The following GCNT1 variants were observed in gnomAD, a reference collection of about 807,000 sequenced individuals.
The protein encoded by GCNT1 is glucosaminyl (N-acetyl) transferase 1.
GCNT1 carries 16 observed loss-of-function variants against 26.2 expected under a neutral mutation model. That is an observed-to-expected ratio of 0.61 (90% CI 0.41 to 0.93). The LOEUF is 0.93. GCNT1 is among the 40% of genes least tolerant of loss of function. The probability of loss-of-function intolerance (pLI) is 0.00; values close to 1 mark genes in which losing one functional copy is unlikely to be tolerated. For missense variants in GCNT1, 477 were observed against 526.7 expected (o/e 0.91, Z 0.92); for synonymous variants, 183 against 190.8 (o/e 0.96, Z 0.34).
rs1479298964 is a variant in GCNT1, at chr9:76,506,987, TCAC to T, written c.*3320_*3322del. The T allele has an allele frequency of 6.0e-6, 1 of 167,026 alleles. No individual in the cohort carries two copies. Among genetic ancestry groups the T allele is most frequent in the Non-Finnish European group, 1.5e-5 (1 of 68,086 alleles). 10.3% of individuals were successfully genotyped at this position (167,026 alleles called of 1,614,324 possible). Reference sequence around the variant, plus strand: ...GTAAACCCATTATAATTTGAAAATATCACATTGAAAATGCATTTAATATCTCTT... The same window carrying T: ...GTAAACCCATTATAATTTGAAAATATATTGAAAATGCATTTAATATCTCTT... On this transcript the variant is annotated 3_prime_UTR_variant, in exon 4 of 4. Transcript: ENST00000376730.
At chr9:76,444,308 T>C (rs1394843718) in intron 1 of GCNT1, among the ~76,000 whole-genome samples, 1 of 152,092 alleles carries the variant, frequency 6.6e-6, no homozygotes, top group South Asian at 2.1e-4. Context: ...TAAATCTAGA[T>C]GTACTTAACA....
chr9:76,433,618 C>A (rs936338614), intron 1 of GCNT1, among the ~76,000 whole-genome samples: 3 of 152,172 alleles, frequency 2.0e-5, no homozygotes, highest in African/African-American at 7.2e-5. Context: ...GCTGCAGTCG[C>A]GGTGGCCACA....
chr9:76,424,531 G>A (rs940160066), intron 1 of GCNT1, among the ~76,000 whole-genome samples: 2 of 152,164 alleles, frequency 1.3e-5, no homozygotes, highest in African/African-American at 2.4e-5. Flanking sequence ...AGGTAAGGCT[G>A]GATCTTGGAG....
chr9:76,402,106 G>T, the GCNT1 span, among the ~76,000 whole-genome samples: 77 of 152,234 alleles, frequency 5.1e-4, no homozygotes, highest in Middle Eastern at 3.4e-3. Context: ...TTGTCCTTCC[G>T]GGTACAGAGG....
chr9:76,412,685 C>T, the GCNT1 span, among the ~76,000 whole-genome samples: 2 of 152,198 alleles, frequency 1.3e-5, no homozygotes, highest in Non-Finnish European at 2.9e-5. Flanking sequence ...CTTAGTCACC[C>T]TTGACACAGC....
chr9:76,483,403 GT>G (rs34884191), intron 2 of GCNT1, among the ~76,000 whole-genome samples: 38,824 of 148,688 alleles, frequency 0.26, 5,203 homozygotes, highest in East Asian at 0.32. Flanking sequence ...TTAAGGAGGG[GT>G]TTTTTTTTTA....
intron 2 of GCNT1, among the ~76,000 whole-genome samples, chr9:76,499,553 C>T (rs1439888399): frequency 3.9e-5 from 6 of 152,140 alleles, no homozygotes; most frequent in Non-Finnish European, 8.8e-5. Context: ...TTTCAAAATC[C>T]TTTGTCCTTG....
intron 2 of GCNT1, among the ~76,000 whole-genome samples, chr9:76,465,653 C>T (rs1823977914): frequency 6.6e-6 from 1 of 152,218 alleles, no homozygotes; most frequent in Admixed American, 6.5e-5. Flanking sequence ...TGTGGCCACC[C>T]TGGGGAGGAG....
chr9:76,488,936 C>T (rs1415341413), intron 2 of GCNT1, among the ~76,000 whole-genome samples: 1 of 152,214 alleles, frequency 6.6e-6, no homozygotes, highest in Non-Finnish European at 1.5e-5. Flanking sequence ...TAGTAGGATA[C>T]AACAATATCA....
intron 2 of GCNT1, among the ~76,000 whole-genome samples, chr9:76,499,180 T>G (rs1195867635): frequency 6.6e-6 from 1 of 152,140 alleles, no homozygotes; most frequent in African/African-American, 2.4e-5. Flanking sequence ...CAGGCTGAAG[T>G]GCAGTGGCAT....
chr9:76,503,581 T>G lies in GCNT1; in HGVS notation c.1200T>G (p.Asn400Lys). The change falls in exon 4 of 4, where the codon AAT becomes AAG. Residue 400 changes from asparagine (N) to lysine (K), a missense_variant. Asn to Lys is a moderately conservative substitution (Grantham distance 94, BLOSUM62 0). Transcript: ENST00000376730. The part of the protein sequence containing the change: ...WMLRKHHLFA[N>K]KFDVDVDLFA... Reference sequence around the variant, plus strand: ...TGCGCAAACACCACTTGTTTGCCAATAAGTTTGACGTGGATGTTGACCTCT... The same window carrying G: ...TGCGCAAACACCACTTGTTTGCCAAGAAGTTTGACGTGGATGTTGACCTCT... 6.2e-7 allele frequency: 1 copy of G among 1,614,188 alleles called. No individual in the cohort carries two copies. The highest frequency in any genetic ancestry group is 8.5e-7 in the Non-Finnish European group (1 of 1,180,000).
chr9:76,423,627 A>G (rs2131572393), intron 1 of GCNT1, among the ~76,000 whole-genome samples: 1 of 152,376 alleles, frequency 6.6e-6, no homozygotes. Flanking sequence ...CTTAATTTGT[A>G]CTGCAAAATG....
chr9:76,410,630 AAC>A, the GCNT1 span, among the ~76,000 whole-genome samples: 1 of 152,162 alleles, frequency 6.6e-6, no homozygotes, highest in South Asian at 2.1e-4. Context: ...AAAAACTAAT[AAC>A]ATTTTTTAAG....
the GCNT1 span, among the ~76,000 whole-genome samples, chr9:76,409,939 A>G: frequency 6.6e-6 from 1 of 152,010 alleles, no homozygotes; most frequent in African/African-American, 2.4e-5. Flanking sequence ...GCATCCACAA[A>G]TTTTGATAAG....
Position 76,507,202 on chromosome 9 carries a change from C to G in GCNT1, c.*3534C>G, listed in dbSNP as rs1381679007. 1 of 167,042 alleles carries G rather than the reference C, an allele frequency of 6.0e-6. No homozygotes were observed. Among genetic ancestry groups the G allele is most frequent in the Non-Finnish European group, 1.5e-5 (1 of 68,112 alleles). 10.3% of individuals were successfully genotyped at this position (167,042 alleles called of 1,614,324 possible). ...ATGGGTACTCAAAGTATAATTTCTACTGAATGCATATCACTTGTGCACTGT... is the reference window on the plus strand; with the variant it reads ...ATGGGTACTCAAAGTATAATTTCTAGTGAATGCATATCACTTGTGCACTGT... On this transcript the variant is annotated 3_prime_UTR_variant, in exon 4 of 4. Transcript: ENST00000376730.
rs985415648 is a variant in GCNT1 at position 76,506,527 on chromosome 9, C to G, written c.*2859C>G. On this transcript the variant is annotated 3_prime_UTR_variant, in exon 4 of 4. Transcript: ENST00000376730. ...CCAGCCTGGGTGACAGAGTGAAACT[C>G]GTATCTCCAAACAAACAAACAAAAA... 6.0e-6 allele frequency: 1 copy of G among 166,810 alleles called. No individual in the cohort carries two copies. The highest frequency in any genetic ancestry group is 1.5e-5 in the Non-Finnish European group (1 of 68,098). 10.3% of individuals were successfully genotyped at this position (166,810 alleles called of 1,614,324 possible). A position where few individuals can be genotyped will look rare whatever the true frequency, so the allele number is the denominator to read the frequency against.
intron 1 of GCNT1, among the ~76,000 whole-genome samples, chr9:76,450,820 A>C (rs1475223088): frequency 4.6e-5 from 7 of 152,124 alleles, no homozygotes. Context: ...TTGACTTTTA[A>C]CTTTGTTTAT....
At chr9:76,404,602 C>T in the GCNT1 span, among the ~76,000 whole-genome samples, 1 of 152,124 alleles carries the variant, frequency 6.6e-6, no homozygotes, top group East Asian at 1.9e-4. Flanking sequence ...GGTGTGCTTA[C>T]AGAGAACTGT....
In GCNT1 at chr9:76,507,209, C is replaced by T. The variant is rs1297262069; in HGVS notation, c.*3541C>T. On this transcript the variant is annotated 3_prime_UTR_variant, in exon 4 of 4. Transcript: ENST00000376730. ...CTCAAAGTATAATTTCTACTGAATG[C>T]ATATCACTTGTGCACTGTTGTAAAG... The T allele has an allele frequency of 6.0e-6, 1 of 167,018 alleles. No homozygotes were observed. Among genetic ancestry groups the T allele is most frequent in the African/African-American group, 2.4e-5 (1 of 41,444 alleles). The allele number at this position is 167,018 out of a possible 1,614,324, so 10.3% of individuals were successfully genotyped here. A position where few individuals can be genotyped will look rare whatever the true frequency, so the allele number is the denominator to read the frequency against.
Sources: gnomAD v4.1 joint callset for allele counts (sites outside exome capture counted in the v4.1 genomes callset) on GRCh38, gnomAD v4.1.1 for gene constraint, MANE v1.5 for transcripts, NCBI Gene and HGNC (gene_info 2026-07-23, HGNC 2026-07-21) for gene names.